HLCS: variants seen among roughly 807,000 people sequenced by gnomAD.
The protein encoded by HLCS is biotin--protein ligase.
In HLCS, 53 loss-of-function variants were observed where a neutral mutation model predicts 75.0. The observed-to-expected ratio is 0.71, with a 90% CI of 0.57 to 0.89. The LOEUF (loss-of-function observed/expected upper bound fraction) is 0.89. HLCS is among the 40% of genes least tolerant of loss of function. The pLI is 0.00. For missense variants in HLCS, 966 were observed against 1,074.0 expected (o/e 0.90, Z 1.41); for synonymous variants, 431 against 428.6 (o/e 1.01, Z -0.07).
intron 6 of HLCS, among the ~76,000 whole-genome samples, chr21:36,797,055 C>T (rs894802774): frequency 1.9e-4 from 29 of 151,944 alleles, no homozygotes; most frequent in African/African-American, 5.3e-4. Flanking sequence ...TTAGTAGAGA[C>T]GGGGTTTTAC....
At chr21:36,787,644 G>A (rs531327243) in intron 6 of HLCS, among the ~76,000 whole-genome samples, 43 of 152,230 alleles carry the variant, frequency 2.8e-4, no homozygotes, top group East Asian at 9.7e-4. Context: ...GAGAGGAGGC[G>A]GCACCTATAT....
chr21:36,857,935 G>T (rs533594953), intron 6 of HLCS, among the ~76,000 whole-genome samples: 1 of 151,952 alleles, frequency 6.6e-6, no homozygotes, highest in African/African-American at 2.4e-5. Context: ...GACTACAGAC[G>T]TGAGGCACCA....
intron 2 of HLCS, among the ~76,000 whole-genome samples, chr21:36,961,548 C>A (rs772828756): frequency 1.3e-5 from 2 of 151,954 alleles, no homozygotes; most frequent in Admixed American, 6.6e-5. Context: ...TTTCTAGCAG[C>A]CACATTAAAA....
intron 10 of HLCS, 69 bp from the exon 11 acceptor site, chr21:36,754,486 A>C: frequency 6.6e-7 from 1 of 1,509,840 alleles, no homozygotes; most frequent in Non-Finnish European, 9.0e-7. Context: ...TGAGCTGAAG[A>C]ATAATCCATG....
At chr21:36,816,451 C>T (rs192915572) in intron 6 of HLCS, among the ~76,000 whole-genome samples, 15 of 151,896 alleles carry the variant, frequency 9.9e-5, no homozygotes, top group East Asian at 1.9e-4. Context: ...AACTTAATAA[C>T]GTATGTCTAG....
intron 4 of HLCS, 73 bp from the exon 5 acceptor site, chr21:36,930,506 T>G: frequency 7.7e-7 from 1 of 1,296,082 alleles, no homozygotes; most frequent in Non-Finnish European, 1.1e-6. Flanking sequence ...TCTTTTTTCT[T>G]TTTCTTTTTT....
At chr21:36,822,054 C>A (rs369170089) in intron 6 of HLCS, among the ~76,000 whole-genome samples, 1 of 152,154 alleles carries the variant, frequency 6.6e-6, no homozygotes, top group Non-Finnish European at 1.5e-5. Flanking sequence ...GCTAATGAGC[C>A]ATTGTCAGGC....
At chr21:36,886,576 G>A (rs2064474775) in intron 6 of HLCS, among the ~76,000 whole-genome samples, 1 of 152,020 alleles carries the variant, frequency 6.6e-6, no homozygotes, top group Non-Finnish European at 1.5e-5. Context: ...CTGCTGTTCT[G>A]CGCAGTCAAA....
At position 36,756,949 on chromosome 21, in the gene HLCS, T is replaced by C. The variant is rs1361592030; in HGVS notation, c.2237-194A>G. The stretch of plus-strand genomic sequence containing the variant: ...CTTCCTTTTTGTCCTTCTTTTATTA[T>C]TCTTGTTCAAGCTAAAACCATCTCA... On this transcript the variant is annotated intron_variant, in intron 9 of 10. Transcript: ENST00000674895. 1.1e-5 allele frequency: 11 copies of C among 985,294 alleles called. No individual in the cohort carries two copies. In the African/African-American group the frequency reaches 1.7e-4, roughly 16 times the overall value. 61.0% of individuals were successfully genotyped at this position (985,294 alleles called of 1,614,324 possible). A position where few individuals can be genotyped will look rare whatever the true frequency, so the allele number is the denominator to read the frequency against.
At chr21:36,815,052 A>C (rs943254703) in intron 6 of HLCS, among the ~76,000 whole-genome samples, 3 of 129,438 alleles carry the variant, frequency 2.3e-5, no homozygotes, top group African/African-American at 9.0e-5. Context: ...TTTTTGATGG[A>C]GTCTCACTCT....
intron 1 of HLCS, among the ~76,000 whole-genome samples, chr21:36,984,864 C>A (rs958099668): frequency 4.8e-5 from 7 of 145,122 alleles, no homozygotes; most frequent in Admixed American, 2.0e-4. Context: ...TTTATATTTT[C>A]TTTTTCTTGT....
intron 3 of HLCS, 59 bp downstream of exon 3, chr21:36,938,773 G>T: frequency 6.4e-7 from 1 of 1,563,818 alleles, no homozygotes; most frequent in Non-Finnish European, 8.8e-7. Flanking sequence ...CAAAGTGCTG[G>T]GATTACAGGC....
intron 6 of HLCS, among the ~76,000 whole-genome samples, chr21:36,847,899 C>T (rs1006212641): frequency 2.0e-5 from 3 of 152,104 alleles, no homozygotes; most frequent in African/African-American, 7.2e-5. Context: ...CATGCAGAAA[C>T]CTTTTGTTTA....
intron 1 of HLCS, among the ~76,000 whole-genome samples, chr21:36,989,276 G>T (rs1372576677): frequency 1.4e-5 from 2 of 145,038 alleles, no homozygotes; most frequent in Admixed American, 1.4e-4. Flanking sequence ...CTCCCAGCGT[G>T]CTGGGATTAC....
intron 6 of HLCS, among the ~76,000 whole-genome samples, chr21:36,823,104 G>C (rs2061896889): frequency 6.6e-6 from 1 of 152,276 alleles, no homozygotes; most frequent in South Asian, 2.1e-4. Context: ...GCTGATGGTA[G>C]TATACATCCC....
upstream of HLCS, among the ~76,000 whole-genome samples, chr21:36,970,817 C>G (rs890968555): frequency 6.6e-6 from 1 of 151,834 alleles, no homozygotes; most frequent in Non-Finnish European, 1.5e-5. Context: ...ACAGTGAAAC[C>G]CCGTCTCTAT....
chr21:36,805,680 G>A (rs73398179), intron 6 of HLCS, among the ~76,000 whole-genome samples: 7,544 of 152,140 alleles, frequency 0.05, 579 homozygotes, highest in African/African-American at 0.17. Context: ...GGGAAGAGGG[G>A]CTCTCCGTGA....
At chr21:36,899,510 G>T (rs2065148471) in intron 5 of HLCS, among the ~76,000 whole-genome samples, 1 of 152,126 alleles carries the variant, frequency 6.6e-6, no homozygotes, top group African/African-American at 2.4e-5. Context: ...TATAATCCCA[G>T]CTACTCAGGA....
chr21:36,788,620 G>A (rs762976264), intron 6 of HLCS, among the ~76,000 whole-genome samples: 16 of 152,210 alleles, frequency 1.1e-4, no homozygotes, highest in Admixed American at 2.0e-4. Flanking sequence ...TGTGGGAGGA[G>A]GAGCTCTGGG....
Sources: gnomAD v4.1 joint callset for allele counts (sites outside exome capture counted in the v4.1 genomes callset) on GRCh38, gnomAD v4.1.1 for gene constraint, MANE v1.5 for transcripts, NCBI Gene and HGNC (gene_info 2026-07-23, HGNC 2026-07-21) for gene names.